ZBTB20: variants seen among roughly 807,000 people sequenced by gnomAD.
ZBTB20 encodes the protein zinc finger and BTB domain containing 20, also known as zinc finger and BTB domain-containing protein 20.
ZBTB20 carries 9 observed loss-of-function variants against 56.9 expected under a neutral mutation model. The observed-to-expected ratio is 0.16, with a 90% CI of 0.10 to 0.28. The LOEUF is 0.28. Among genes scored for constraint, ZBTB20 ranks in the 10% least tolerant of loss-of-function variants. The pLI is 1.00. For missense variants in ZBTB20, 655 were observed against 1,003.0 expected (o/e 0.65, Z 4.69); for synonymous variants, 417 against 420.7 (o/e 0.99, Z 0.11).
chr3:115,057,900 A>G (rs1447138807), intron 2 of ZBTB20, among the ~76,000 whole-genome samples: 2 of 152,120 alleles, frequency 1.3e-5, no homozygotes, highest in African/African-American at 2.4e-5. Flanking sequence ...AAAAGAAAAA[A>G]TTTAATTGAC....
chr3:114,971,605 T>C (rs1576458701), intron 3 of ZBTB20, among the ~76,000 whole-genome samples: 1 of 152,322 alleles, frequency 6.6e-6, no homozygotes, highest in African/African-American at 2.4e-5. Context: ...AAAGACACAT[T>C]TTTAAATATG....
At chr3:114,440,215 T>C (rs1323705674) in intron 7 of ZBTB20, among the ~76,000 whole-genome samples, 4 of 152,128 alleles carry the variant, frequency 2.6e-5, no homozygotes, top group African/African-American at 9.7e-5. Context: ...TACATTAATA[T>C]ATGTGTGCAC....
At chr3:114,606,823 C>T (rs933468418) in intron 6 of ZBTB20, among the ~76,000 whole-genome samples, 2 of 152,156 alleles carry the variant, frequency 1.3e-5, no homozygotes, top group African/African-American at 2.4e-5. Flanking sequence ...CGGCCAGGCA[C>T]TGTGCCTCAC....
At chr3:115,147,041 A>T (rs2085018700) in intron 1 of ZBTB20, among the ~76,000 whole-genome samples, 178 bp downstream of exon 1, 1 of 148,192 alleles carries the variant, frequency 6.7e-6, no homozygotes, top group Non-Finnish European at 1.5e-5. Context: ...CATCCAGCTC[A>T]GGGCCCGCTG....
intron 2 of ZBTB20, among the ~76,000 whole-genome samples, chr3:115,035,856 G>A (rs1160942891): frequency 1.3e-5 from 2 of 152,158 alleles, no homozygotes; most frequent in African/African-American, 4.8e-5. Flanking sequence ...TACACAAATT[G>A]TGATATATAT....
chr3:114,532,011 T>G (rs1306057376), intron 6 of ZBTB20, among the ~76,000 whole-genome samples: 1 of 152,084 alleles, frequency 6.6e-6, no homozygotes, highest in Non-Finnish European at 1.5e-5. Flanking sequence ...GAGATTCCCT[T>G]GGGTGCCTAC....
intron 6 of ZBTB20, among the ~76,000 whole-genome samples, chr3:114,635,804 T>C (rs866235115): frequency 3.3e-5 from 5 of 152,020 alleles, no homozygotes; most frequent in Non-Finnish European, 5.9e-5. Flanking sequence ...AAGTGACTTA[T>C]GGGACTCAAA....
intron 2 of ZBTB20, among the ~76,000 whole-genome samples, chr3:115,033,270 T>C (rs769516230): frequency 4.0e-4 from 61 of 151,412 alleles, no homozygotes; most frequent in Non-Finnish European, 7.6e-4. Context: ...AGTTGAAATG[T>C]AGAAATTCCT....
intron 3 of ZBTB20, among the ~76,000 whole-genome samples, chr3:114,933,720 C>T (rs1437437542): frequency 1.3e-5 from 2 of 152,302 alleles, no homozygotes; most frequent in Admixed American, 1.3e-4. Flanking sequence ...CAGATTATAA[C>T]CACTACACAT....
At chr3:114,483,907 AACTAAG>A (rs2041830027) in intron 7 of ZBTB20, among the ~76,000 whole-genome samples, 2 of 151,764 alleles carry the variant, frequency 1.3e-5, no homozygotes, top group South Asian at 2.1e-4. Flanking sequence ...AGGTCCTTTG[AACTAAG>A]GTTCAAAGGA....
intron 4 of ZBTB20, among the ~76,000 whole-genome samples, chr3:114,868,192 T>C (rs1001170884): frequency 3.9e-5 from 6 of 152,344 alleles, no homozygotes; most frequent in African/African-American, 1.4e-4. Flanking sequence ...GTGGTATCTA[T>C]GCTGATTTTT....
chr3:115,072,291 T>G (rs1179100836), intron 1 of ZBTB20, among the ~76,000 whole-genome samples: 2 of 152,080 alleles, frequency 1.3e-5, no homozygotes, highest in African/African-American at 2.4e-5. Flanking sequence ...GTATTGGGCT[T>G]TTCTGTAACT....
chr3:114,804,714 A>T (rs1005902797), intron 4 of ZBTB20, among the ~76,000 whole-genome samples: 1 of 151,928 alleles, frequency 6.6e-6, no homozygotes, highest in African/African-American at 2.4e-5. Flanking sequence ...CCCATCACCC[A>T]TAGTCAATTG....
chr3:115,001,101 A>AAC (rs2079230080), intron 2 of ZBTB20, among the ~76,000 whole-genome samples: 1 of 151,180 alleles, frequency 6.6e-6, no homozygotes, highest in Non-Finnish European at 1.5e-5. Flanking sequence ...AAAAAAAAAA[A>AAC]AACAAATTTC....
chr3:114,604,029 A>G (rs895424929), intron 6 of ZBTB20, among the ~76,000 whole-genome samples: 1 of 152,112 alleles, frequency 6.6e-6, no homozygotes, highest in Non-Finnish European at 1.5e-5. Flanking sequence ...CCTTTGATCA[A>G]TAATTTTATT....
At chr3:115,120,882 G>T (rs1296291367) in intron 1 of ZBTB20, among the ~76,000 whole-genome samples, 1 of 151,976 alleles carries the variant, frequency 6.6e-6, no homozygotes, top group Non-Finnish European at 1.5e-5. Context: ...CTTTGATTCA[G>T]ACCCAAGTAT....
chr3:114,668,154 T>C (rs937733649), intron 6 of ZBTB20, among the ~76,000 whole-genome samples: 2 of 152,052 alleles, frequency 1.3e-5, no homozygotes, highest in African/African-American at 4.8e-5. Flanking sequence ...TGTACATAGA[T>C]GTCTGAAATC....
intron 10 of ZBTB20, among the ~76,000 whole-genome samples, chr3:114,374,190 T>C (rs1317073908): frequency 6.6e-6 from 1 of 152,208 alleles, no homozygotes; most frequent in Non-Finnish European, 1.5e-5. Context: ...AAGACTATCT[T>C]TAATGACAGG....
At chr3:114,901,354 TAGTC>T (rs1234132808) in intron 3 of ZBTB20, among the ~76,000 whole-genome samples, 1 of 152,182 alleles carries the variant, frequency 6.6e-6, no homozygotes, top group Non-Finnish European at 1.5e-5. Flanking sequence ...CAACACATTA[TAGTC>T]AGTAAGTCCA....
Sources: gnomAD v4.1 joint callset for allele counts (sites outside exome capture counted in the v4.1 genomes callset) on GRCh38, gnomAD v4.1.1 for gene constraint, MANE v1.5 for transcripts, NCBI Gene and HGNC (gene_info 2026-07-23, HGNC 2026-07-21) for gene names.